TANC2: variants seen among roughly 807,000 people sequenced by gnomAD.
TANC2 encodes protein TANC2.
A neutral mutation model predicts 210.5 loss-of-function variants in TANC2; 26 were observed. The ratio of observed to expected loss-of-function variants is 0.12; its 90% CI spans 0.09 to 0.17. TANC2 has a LOEUF of 0.17. TANC2 is among the 10% of genes least tolerant of loss of function. TANC2 has a pLI of 1.00. For synonymous variants in TANC2, 931 were observed against 967.1 expected, an observed-to-expected ratio of 0.96 and a Z score of 0.69; for missense variants, 2,129 against 2,608.9, an observed-to-expected ratio of 0.82 and a Z score of 4.01.
At chr17:63,187,358 G>A (rs2041025385) in intron 5 of TANC2, among the ~76,000 whole-genome samples, 1 of 152,170 alleles carries the variant, frequency 6.6e-6, no homozygotes, top group African/African-American at 2.4e-5. Context: ...TTGTAGGGCA[G>A]TTTGATGATT....
chr17:63,078,570 T>C (rs981092655), intron 3 of TANC2, among the ~76,000 whole-genome samples: 1 of 152,174 alleles, frequency 6.6e-6, no homozygotes, highest in African/African-American at 2.4e-5. Context: ...TTTACTGCTT[T>C]AGTTAGTTAC....
intron 14 of TANC2, among the ~76,000 whole-genome samples, chr17:63,362,557 C>T (rs1312948916): frequency 6.6e-6 from 1 of 152,190 alleles, no homozygotes; most frequent in African/African-American, 2.4e-5. Flanking sequence ...CAGGCCTGCA[C>T]CAAGCCACCC....
At chr17:62,977,653 A>G (rs898530161) in intron 1 of TANC2, among the ~76,000 whole-genome samples, 2 of 151,984 alleles carry the variant, frequency 1.3e-5, no homozygotes, top group East Asian at 1.9e-4. Context: ...TTTAATTACA[A>G]AAGTAATATT....
chr17:63,035,297 A>G (rs2034927017), intron 2 of TANC2, among the ~76,000 whole-genome samples: 1 of 152,242 alleles, frequency 6.6e-6, no homozygotes, highest in South Asian at 2.1e-4. Flanking sequence ...TAATGCTATT[A>G]CAAACATAAT....
At position 63,220,732 on chromosome 17, in the gene TANC2, A is replaced by ATG. The variant is rs1471916454; in HGVS notation, c.770-17081_770-17080insGT. Among the ~76,000 whole-genome samples the ATG allele has an allele frequency of 6.9e-5, 10 of 144,810 alleles. No homozygotes were observed. The East Asian group carries it at 2.0e-3, about 29-fold the overall frequency. On this transcript the variant is annotated intron_variant, in intron 7 of 27. Coordinates refer to ENST00000689528, the Ensembl canonical transcript of TANC2. ...AAAAAAAAAAAAAATATATATATAT[A>ATG]TATATGTATATATATATGTGTATAT...
chr17:63,333,735 T>C (rs996569035), intron 11 of TANC2, among the ~76,000 whole-genome samples: 1 of 152,162 alleles, frequency 6.6e-6, no homozygotes, highest in African/African-American at 2.4e-5. Context: ...AGCCAATTAA[T>C]GCAGCAAACT....
chr17:63,096,632 G>A (rs1024629478), intron 3 of TANC2, among the ~76,000 whole-genome samples: 3 of 152,012 alleles, frequency 2.0e-5, no homozygotes, highest in African/African-American at 7.2e-5. Flanking sequence ...GCCACATTTT[G>A]TTTATCCGTT....
chr17:63,243,491 G>A (rs1226904518), intron 8 of TANC2, among the ~76,000 whole-genome samples: 1 of 152,124 alleles, frequency 6.6e-6, no homozygotes, highest in Non-Finnish European at 1.5e-5. Flanking sequence ...CTGATAAATT[G>A]TATGCAGCAA....
chr17:62,976,009 C>T (rs1468329232), intron 1 of TANC2, among the ~76,000 whole-genome samples: 1 of 152,094 alleles, frequency 6.6e-6, no homozygotes. Context: ...TTTAGAAACC[C>T]ATGGTAGTTT....
At chr17:63,345,657 AT>A (rs1037713001) in intron 12 of TANC2, among the ~76,000 whole-genome samples, 7 of 151,790 alleles carry the variant, frequency 4.6e-5, no homozygotes, top group African/African-American at 1.7e-4. Context: ...TCCCAGCAGA[AT>A]TTTTCTGTAA....
At chr17:63,410,664 C>T (rs374751127) in intron 21 of TANC2, among the ~76,000 whole-genome samples, 20 of 151,990 alleles carry the variant, frequency 1.3e-4, no homozygotes, top group African/African-American at 4.8e-4. Context: ...GAGTTCAAGA[C>T]CAGCCTGGCC....
At chr17:63,326,806 A>G (rs549069558) in intron 11 of TANC2, among the ~76,000 whole-genome samples, 21 of 152,310 alleles carry the variant, frequency 1.4e-4, no homozygotes, top group African/African-American at 4.6e-4. Flanking sequence ...TCAAAAGACA[A>G]CTGATAAACT....
intron 26 of TANC2, among the ~76,000 whole-genome samples, chr17:63,417,696 C>T (rs1701944329): frequency 6.6e-6 from 1 of 152,142 alleles, no homozygotes; most frequent in African/African-American, 2.4e-5. Context: ...CACACTTGAT[C>T]CTACCCCCGG....
chr17:63,099,851 A>G (rs934783879), intron 4 of TANC2, among the ~76,000 whole-genome samples: 1 of 152,206 alleles, frequency 6.6e-6, no homozygotes, highest in Non-Finnish European at 1.5e-5. Context: ...GATATTTACT[A>G]TAATTCATAA....
At chr17:63,121,980 G>T (rs1266909069) in intron 4 of TANC2, among the ~76,000 whole-genome samples, 4 of 151,294 alleles carry the variant, frequency 2.6e-5, no homozygotes, top group Admixed American at 6.6e-5. Flanking sequence ...CGGGGGGAGG[G>T]GGGAAGAGGG....
intron 17 of TANC2, chr17:63,393,505 G>C (rs543768291): frequency 1.3e-5 from 2 of 152,198 alleles, no homozygotes; most frequent in African/African-American, 4.8e-5. Flanking sequence ...CTTTTTCTTC[G>C]CTGGATTCTT....
chr17:62,972,375 T>C (rs1413254099), intron 1 of TANC2, among the ~76,000 whole-genome samples: 3 of 152,236 alleles, frequency 2.0e-5, no homozygotes, highest in Non-Finnish European at 4.4e-5. Flanking sequence ...CCCCGTAATA[T>C]CAATTTCTGT....
At chr17:63,205,145 A>G (rs2041658513) in intron 7 of TANC2, among the ~76,000 whole-genome samples, 1 of 152,064 alleles carries the variant, frequency 6.6e-6, no homozygotes, top group Non-Finnish European at 1.5e-5. Flanking sequence ...TATATGGTCA[A>G]ATGGTTTTTG....
intron 4 of TANC2, among the ~76,000 whole-genome samples, chr17:63,119,859 T>G (rs900433969): frequency 5.9e-5 from 9 of 151,918 alleles, no homozygotes; most frequent in Non-Finnish European, 1.5e-5. Context: ...TACAAATAAT[T>G]TTTTTAAAAA....
Sources: allele counts gnomAD v4.1 joint callset (sites outside exome capture counted in the v4.1 genomes callset), GRCh38; gene constraint gnomAD v4.1.1; transcripts MANE v1.5; gene names NCBI Gene and HGNC (gene_info 2026-07-23, HGNC 2026-07-21).